MCC: variants seen among roughly 807,000 people sequenced by gnomAD.
MCC encodes the protein MCC regulator of Wnt signaling pathway.
MCC carries 90 observed loss-of-function variants against 116.2 expected under a neutral mutation model. That is an observed-to-expected ratio of 0.77 (90% CI 0.65 to 0.92). The LOEUF (loss-of-function observed/expected upper bound fraction) is 0.92, where lower values mean the gene tolerates loss of function less well. Ranked by LOEUF, MCC falls within the 40% of genes least tolerant of loss-of-function variation. The pLI is 0.00. For missense variants in MCC, 1,516 were observed against 1,312.2 expected (o/e 1.16, Z -2.40); for synonymous variants, 578 against 510.5 (o/e 1.13, Z -1.78).
chr5:113,090,871 T>A (rs143990553), intron 8 of MCC, among the ~76,000 whole-genome samples: 1 of 152,204 alleles, frequency 6.6e-6, no homozygotes, highest in Non-Finnish European at 1.5e-5. Context: ...AATAAATTCA[T>A]TGCCAAGGTC....
At chr5:113,383,947 T>C (rs1323174304) in intron 2 of MCC, among the ~76,000 whole-genome samples, 1 of 152,166 alleles carries the variant, frequency 6.6e-6, no homozygotes, top group Non-Finnish European at 1.5e-5. Flanking sequence ...CCAATAGATC[T>C]ACCTAGCAGA....
At chr5:113,117,778 C>A (rs769897994) in intron 6 of MCC, among the ~76,000 whole-genome samples, 34 of 152,224 alleles carry the variant, frequency 2.2e-4, no homozygotes, top group African/African-American at 3.4e-4. Context: ...CATCTGTGCT[C>A]TGCTCTATTG....
chr5:113,086,302 G>C (rs1171688146), intron 8 of MCC, among the ~76,000 whole-genome samples: 1 of 149,690 alleles, frequency 6.7e-6, no homozygotes. Flanking sequence ...GTGGTGATAT[G>C]CCTGGGGGGT....
intron 17 of MCC, among the ~76,000 whole-genome samples, chr5:113,036,084 G>A (rs1315824665): frequency 8.2e-6 from 1 of 121,326 alleles, no homozygotes; most frequent in Non-Finnish European, 1.6e-5. Context: ...CGCCCGGTCT[G>A]AAGTGCAGTG....
intron 3 of MCC, among the ~76,000 whole-genome samples, chr5:113,253,638 G>A (rs1764886068): frequency 6.6e-6 from 1 of 152,052 alleles, no homozygotes; most frequent in Non-Finnish European, 1.5e-5. Context: ...GCATCCATAT[G>A]GATAGGTAAG....
rs1229389789 is a variant in MCC at position 113,068,201 on chromosome 5, G to T, written c.1926-18C>A. ...ACTGCTCGCTGAAACAAAGCACATG[G>T]GGCCTCAGCCCTTGCAGAGAACAGC... is the stretch of plus-strand genomic sequence containing the variant. On this transcript the variant is annotated intron_variant, in intron 12 of 18. Coordinates refer to ENST00000408903, the MANE Select transcript of MCC (RefSeq NM_001085377.2). The T allele has an allele frequency of 1.9e-6, 3 of 1,599,642 alleles. No individual in the cohort carries two copies. The highest frequency in any genetic ancestry group is 1.7e-6 in the Non-Finnish European group (2 of 1,167,188).
chr5:113,124,726 T>C (rs1757944089), intron 5 of MCC, among the ~76,000 whole-genome samples: 1 of 152,218 alleles, frequency 6.6e-6, no homozygotes, highest in Non-Finnish European at 1.5e-5. Flanking sequence ...AGGAGAACCA[T>C]ACCACATTAA....
chr5:113,227,782 A>T (rs1467269079), intron 3 of MCC, among the ~76,000 whole-genome samples: 2 of 152,212 alleles, frequency 1.3e-5, no homozygotes, highest in African/African-American at 2.4e-5. Context: ...TTCCTATAAT[A>T]AAAGTAAAAA....
intron 4 of MCC, among the ~76,000 whole-genome samples, chr5:113,148,150 T>C (rs1392147861): frequency 6.6e-6 from 1 of 152,270 alleles, no homozygotes; most frequent in African/African-American, 2.4e-5. Flanking sequence ...TATCTGATCT[T>C]AGCCAGTTTC....
At chr5:113,047,291 A>T (rs910532974) in intron 16 of MCC, among the ~76,000 whole-genome samples, 8 of 152,234 alleles carry the variant, frequency 5.3e-5, no homozygotes, top group Non-Finnish European at 1.2e-4. Context: ...TGTCTACCAC[A>T]GAGCTGCCTC....
intron 3 of MCC, among the ~76,000 whole-genome samples, chr5:113,228,488 A>G (rs1403977903): frequency 6.6e-6 from 1 of 152,188 alleles, no homozygotes; most frequent in African/African-American, 2.4e-5. Flanking sequence ...AAGCCTGGGG[A>G]AAGTGTGGCT....
At chr5:113,222,314 A>C (rs112480808) in intron 3 of MCC, among the ~76,000 whole-genome samples, 1 of 152,192 alleles carries the variant, frequency 6.6e-6, no homozygotes, top group Admixed American at 6.5e-5. Flanking sequence ...ATTGGGTTTG[A>C]TTTGCTAAAA....
intron 6 of MCC, among the ~76,000 whole-genome samples, chr5:113,119,192 T>C (rs1005541053): frequency 1.3e-5 from 2 of 152,238 alleles, no homozygotes; most frequent in Non-Finnish European, 2.9e-5. Context: ...GTGAAGTCCC[T>C]GCCCGCGTGG....
intron 8 of MCC, among the ~76,000 whole-genome samples, chr5:113,098,756 T>G (rs1043436883): frequency 1.3e-4 from 20 of 152,152 alleles, no homozygotes; most frequent in Non-Finnish European, 2.4e-4. Flanking sequence ...GCACCAATCC[T>G]ATTGATCTGG....
At chr5:113,455,878 A>G (rs1448347717) in intron 1 of MCC, among the ~76,000 whole-genome samples, 1 of 152,198 alleles carries the variant, frequency 6.6e-6, no homozygotes, top group African/African-American at 2.4e-5. Flanking sequence ...GATAAAGAAG[A>G]ACGGACCTGC....
intron 1 of MCC, among the ~76,000 whole-genome samples, chr5:113,418,123 A>G (rs949694640): frequency 3.3e-5 from 5 of 152,054 alleles, no homozygotes; most frequent in African/African-American, 1.2e-4. Flanking sequence ...TCTAAGGCCT[A>G]CTTCTTTTTT....
At chr5:113,294,259 G>A (rs1158563891) in intron 3 of MCC, 2 of 1,607,026 alleles carry the variant, frequency 1.2e-6, no homozygotes, top group East Asian at 2.2e-5. Flanking sequence ...TGGGGAGGTC[G>A]AGGGGAGGGG....
At chr5:113,125,984 C>T (rs1053692670) in intron 5 of MCC, among the ~76,000 whole-genome samples, 1 of 152,046 alleles carries the variant, frequency 6.6e-6, no homozygotes, top group African/African-American at 2.4e-5. Context: ...AAAATAGCAC[C>T]TCTGATAAAC....
chr5:113,096,254 G>A lies in MCC; in HGVS notation c.1398+5485C>T, dbSNP rs999850249. ...TAGAGGACACTTGGAGAAGCTCTTGGCCCATGTCCAGTGGGTGACCAAAGG... is the reference window on the plus strand; with the variant it reads ...TAGAGGACACTTGGAGAAGCTCTTGACCCATGTCCAGTGGGTGACCAAAGG... On this transcript the variant is annotated intron_variant, in intron 8 of 18. Coordinates refer to ENST00000408903, the MANE Select transcript of MCC (RefSeq NM_001085377.2). Among the ~76,000 whole-genome samples the A allele has an allele frequency of 2.6e-5, 4 of 152,322 alleles. No homozygotes were observed. The East Asian group carries it at 7.7e-4, about 29-fold the overall frequency.
Sources: gnomAD v4.1 joint callset for allele counts (sites outside exome capture counted in the v4.1 genomes callset) on GRCh38, gnomAD v4.1.1 for gene constraint, MANE v1.5 for transcripts, NCBI Gene and HGNC (gene_info 2026-07-23, HGNC 2026-07-21) for gene names.